Variants in BOLL observed in about 807,000 individuals in gnomAD.
BOLL encodes the protein protein boule-like.
Under a neutral mutation model 44.4 loss-of-function variants are expected in BOLL, and 23 were observed. The observed-to-expected ratio is 0.52, with a 90% confidence interval of 0.37 to 0.73. The LOEUF (loss-of-function observed/expected upper bound fraction) is 0.73. Among genes scored for constraint, BOLL ranks in the 30% least tolerant of loss-of-function variants. The pLI, the probability that BOLL is intolerant of heterozygous loss-of-function variation, is 0.00. For synonymous variants in BOLL, 97 were observed against 110.8 expected (o/e 0.88, Z 0.78); for missense variants, 287 against 338.3 (o/e 0.85, Z 1.19).
chr2:197,740,579 G>A (rs1687684088), intron 10 of BOLL, among the ~76,000 whole-genome samples: 1 of 152,092 alleles, frequency 6.6e-6, no homozygotes, highest in East Asian at 1.9e-4. Flanking sequence ...TCCCAAACTG[G>A]AAAAGGAGAT....
At chr2:197,730,543 A>G (rs1288987790) in intron 10 of BOLL, among the ~76,000 whole-genome samples, 1 of 150,172 alleles carries the variant, frequency 6.7e-6, no homozygotes, top group East Asian at 1.9e-4. Context: ...GAAGGAAAAA[A>G]TGTTGAGGGC....
intron 6 of BOLL, among the ~76,000 whole-genome samples, chr2:197,770,286 T>A (rs1010884890): frequency 6.6e-5 from 10 of 152,176 alleles, no homozygotes; most frequent in African/African-American, 2.2e-4. Context: ...GAAAACTGGC[T>A]AGCCATATGT....
intron 9 of BOLL, among the ~76,000 whole-genome samples, chr2:197,749,387 G>A (rs1273710034): frequency 3.9e-5 from 6 of 152,082 alleles, no homozygotes; most frequent in Non-Finnish European, 7.3e-5. Context: ...CGGAGAATGA[G>A]TTTGATGAAT....
At chr2:197,729,366 A>C (rs1435496522) in intron 10 of BOLL, among the ~76,000 whole-genome samples, 1 of 152,148 alleles carries the variant, frequency 6.6e-6, no homozygotes, top group African/African-American at 2.4e-5. Flanking sequence ...CTCTAACTGC[A>C]AGGCGGCAGC....
intron 1 of BOLL, among the ~76,000 whole-genome samples, chr2:197,782,269 C>T (rs1689824632): frequency 6.6e-6 from 1 of 152,134 alleles, no homozygotes; most frequent in Non-Finnish European, 1.5e-5. Flanking sequence ...GTGGTGTTCT[C>T]TTGTTAACAG....
chr2:197,774,066 G>C (rs1456488207), intron 5 of BOLL: 1 of 456,152 alleles, frequency 2.2e-6, no homozygotes, highest in East Asian at 7.5e-5. Context: ...GAAGGCTAGT[G>C]CTACCACTCA....
chr2:197,785,488 T>G, upstream of BOLL: 1 of 704,656 alleles, frequency 1.4e-6, no homozygotes, highest in Non-Finnish European at 1.8e-6. This position sits in a 1 kb window ranked among gnomAD's most constrained non-coding sequence, Gnocchi z 6.7. Context: ...AGTGTCCGGG[T>G]CCCGCCTGGG....
intron 10 of BOLL, among the ~76,000 whole-genome samples, chr2:197,741,507 G>A (rs1260840328): frequency 2.8e-4 from 42 of 152,146 alleles, no homozygotes; most frequent in East Asian, 1.4e-3. Context: ...AAATAATGCC[G>A]CATATCTACA....
chr2:197,784,699 A>T (rs1689986726), intron 1 of BOLL: 1 of 984,434 alleles, frequency 1.0e-6, no homozygotes, highest in African/African-American at 1.8e-5. Flanking sequence ...AAGTGCTGGG[A>T]TTACAGGCGG....
Position 197,728,620 on chromosome 2 carries a change from G to GA in BOLL, c.829-43dup, listed in dbSNP as rs563916260. The GA allele has an allele frequency of 1.5e-3, 1,951 of 1,336,350 alleles. 12 individuals are homozygous for GA. The highest frequency in any genetic ancestry group is 9.2e-3 in the South Asian group (732 of 79,282). The allele number at this position is 1,336,350 out of a possible 1,614,324, so 82.8% of individuals were successfully genotyped here. A position where few individuals can be genotyped will look rare whatever the true frequency, so the allele number is the denominator to read the frequency against. On this transcript the variant is annotated intron_variant, in intron 10 of 10. Coordinates refer to ENST00000392296, the MANE Select transcript of BOLL (RefSeq NM_033030.6). ...AAATATAGATCAGGAAGACTGAATGGAAAAAAAAAGATAAGTTAGAACAGA... is the reference window on the plus strand; with the variant it reads ...AAATATAGATCAGGAAGACTGAATGGAAAAAAAAAAGATAAGTTAGAACAGA...
At chr2:197,728,617 ATGG>A (rs1313724024) in intron 10 of BOLL, 39 bp from the exon 11 acceptor site, 16 of 1,420,774 alleles carry the variant, frequency 1.1e-5, no homozygotes, top group Admixed American at 7.1e-5. Flanking sequence ...GGAAGACTGA[ATGG>A]AAAAAAAAAG....
chr2:197,728,409 T>G lies in BOLL; in HGVS notation c.*146A>C. Reference sequence around the variant, plus strand: ...TTCATCAAATTTAGACAGCTTATAGTGGAATAACTGAGTATGGTGAGGTAT... The same window carrying G: ...TTCATCAAATTTAGACAGCTTATAGGGGAATAACTGAGTATGGTGAGGTAT... On this transcript the variant is annotated 3_prime_UTR_variant, in exon 11 of 11. Transcript: ENST00000392296. The G allele has an allele frequency of 7.8e-7, 1 of 1,285,298 alleles. No homozygotes were observed. The highest frequency in any genetic ancestry group is 1.3e-5 in the South Asian group (1 of 74,656). 79.6% of individuals were successfully genotyped at this position (1,285,298 alleles called of 1,614,324 possible). A position where few individuals can be genotyped will look rare whatever the true frequency, so the allele number is the denominator to read the frequency against.
chr2:197,760,862 T>C (rs761144729), intron 7 of BOLL, among the ~76,000 whole-genome samples: 28 of 152,120 alleles, frequency 1.8e-4, no homozygotes, highest in South Asian at 2.1e-4. Context: ...CAAGTCACAA[T>C]TAAAGGAATC....
At chr2:197,786,093 C>T, upstream of BOLL, 1 of 1,519,628 alleles carries the variant, frequency 6.6e-7, no homozygotes, top group Middle Eastern at 1.7e-4. This position sits in a 1 kb window ranked among gnomAD's most constrained non-coding sequence, Gnocchi z 5.9. Flanking sequence ...CGCTGCTTGT[C>T]CTGCCTGGGA....
At chr2:197,751,571 T>C (rs187276929) in intron 9 of BOLL, among the ~76,000 whole-genome samples, 129 of 152,202 alleles carry the variant, frequency 8.5e-4, no homozygotes, top group African/African-American at 3.0e-3. Context: ...TCTGGACATA[T>C]ACACCCTCCC....
chr2:197,757,043 C>T (rs1688548198), intron 8 of BOLL, among the ~76,000 whole-genome samples: 1 of 151,900 alleles, frequency 6.6e-6, no homozygotes, highest in Non-Finnish European at 1.5e-5. Context: ...TAGAAAAATG[C>T]TAAATTTTCA....
At chr2:197,784,122 G>C (rs1382752334) in intron 1 of BOLL, among the ~76,000 whole-genome samples, 1 of 151,536 alleles carries the variant, frequency 6.6e-6, no homozygotes, top group Admixed American at 6.6e-5. Flanking sequence ...TTGTGGGCTC[G>C]CTCTGCTTAA....
intron 10 of BOLL, among the ~76,000 whole-genome samples, chr2:197,732,770 C>G (rs1302384746): frequency 1.4e-5 from 2 of 143,044 alleles, no homozygotes; most frequent in Non-Finnish European, 3.1e-5. Flanking sequence ...ACCCTTCATG[C>G]TAAAAACTCT....
intron 5 of BOLL, among the ~76,000 whole-genome samples, chr2:197,773,453 A>G (rs924081682): frequency 6.6e-6 from 1 of 151,870 alleles, no homozygotes; most frequent in Non-Finnish European, 1.5e-5. Flanking sequence ...TTAGTTGATT[A>G]CACAATTAAT....
Sources: allele counts gnomAD v4.1 joint callset (sites outside exome capture counted in the v4.1 genomes callset), GRCh38; gene constraint gnomAD v4.1.1; non-coding constraint Gnocchi (gnomAD v3.1); transcripts MANE v1.5; gene names NCBI Gene and HGNC (gene_info 2026-07-23, HGNC 2026-07-21).